Variants in HNF4G observed in about 807,000 individuals in gnomAD.
HNF4G encodes hepatocyte nuclear factor 4-gamma.
A neutral mutation model predicts 50.9 loss-of-function variants in HNF4G; 21 were observed. The observed-to-expected ratio is 0.41, with a 90% CI of 0.29 to 0.59. HNF4G has a LOEUF of 0.59. Ranked by LOEUF, HNF4G falls within the 20% of genes least tolerant of loss-of-function variation. The pLI, the probability that HNF4G is intolerant of heterozygous loss-of-function variation, is 0.26. For synonymous variants in HNF4G, 198 were observed against 185.6 expected (o/e 1.07, Z -0.54); for missense variants, 527 against 559.4 (o/e 0.94, Z 0.58).
chr8:75,424,011 A>G lies in HNF4G; in HGVS notation c.-144+15849A>G, dbSNP rs550246848. On this transcript the variant is annotated intron_variant, in intron 1 of 10. Coordinates refer to the HNF4G transcript ENST00000354370. ...GCTAATTTTTGTATTTTTAGTAGACACGGGTTTCACCACGTTGGCCAGGAT... is the reference window on the plus strand; with the variant it reads ...GCTAATTTTTGTATTTTTAGTAGACGCGGGTTTCACCACGTTGGCCAGGAT... Among the ~76,000 whole-genome samples the G allele has an allele frequency of 3.3e-5, 5 of 149,864 alleles. No homozygotes were observed. In the East Asian group the frequency reaches 8.1e-4, roughly 24 times the overall value.
At chr8:75,552,098 T>C (rs1806978244) in intron 4 of HNF4G, among the ~76,000 whole-genome samples, 1 of 152,212 alleles carries the variant, frequency 6.6e-6, no homozygotes, top group East Asian at 1.9e-4. Context: ...TACTTTAGCA[T>C]TGCCCTTATT....
intron 1 of HNF4G, among the ~76,000 whole-genome samples, chr8:75,456,647 C>G (rs1811731272): frequency 6.6e-6 from 1 of 151,782 alleles, no homozygotes; most frequent in African/African-American, 2.4e-5. Flanking sequence ...AAAATCTATT[C>G]CTAATCTTCA....
At chr8:75,484,560 A>T (rs1812453621) in intron 1 of HNF4G, among the ~76,000 whole-genome samples, 1 of 152,214 alleles carries the variant, frequency 6.6e-6, no homozygotes, top group South Asian at 2.1e-4. Context: ...CTGCAGGACC[A>T]CTTCAGCCAC....
At chr8:75,504,257 AC>A (rs1585902599) in intron 2 of HNF4G, among the ~76,000 whole-genome samples, 56 of 151,514 alleles carry the variant, frequency 3.7e-4, no homozygotes, top group African/African-American at 9.2e-4. Flanking sequence ...ACACACACAC[AC>A]ACACACACAC....
At chr8:75,513,306 G>A (rs1211234598) in intron 2 of HNF4G, among the ~76,000 whole-genome samples, 1 of 152,076 alleles carries the variant, frequency 6.6e-6, no homozygotes, top group Non-Finnish European at 1.5e-5. Flanking sequence ...CCAAAGTGCT[G>A]GGATTACAAG....
chr8:75,491,383 A>T (rs1360227331), intron 2 of HNF4G, among the ~76,000 whole-genome samples: 1 of 152,180 alleles, frequency 6.6e-6, no homozygotes, highest in African/African-American at 2.4e-5. Flanking sequence ...TATACACTAA[A>T]ATCATAGTAT....
rs1807311385 is a variant in HNF4G at position 75,561,524 on chromosome 8, G to A, written c.1246+1058G>A. ...CCACCGTATGCAGTTTGTTTTCCATGCCTGAACTGAATAGAAGATGCTCAA... is the reference window on the plus strand; with the variant it reads ...CCACCGTATGCAGTTTGTTTTCCATACCTGAACTGAATAGAAGATGCTCAA... On this transcript the variant is annotated intron_variant, in intron 9 of 9. Transcript: ENST00000396423. Among the ~76,000 whole-genome samples the A allele has an allele frequency of 2.6e-5, 4 of 152,300 alleles. No homozygotes were observed. In the South Asian group the frequency reaches 8.3e-4, roughly 32 times the overall value.
rs534472288 is a variant in HNF4G at position 75,561,486 on chromosome 8, G to A, written c.1246+1020G>A. Among the ~76,000 whole-genome samples, 6 of 152,292 alleles carry A rather than the reference G, an allele frequency of 3.9e-5. No individual in the cohort carries two copies. The East Asian group carries it at 1.2e-3, about 29-fold the overall frequency. On this transcript the variant is annotated intron_variant, in intron 9 of 9. Transcript: ENST00000396423. ...ATGTGAATTTACCACTAGGAAACAA[G>A]GAGGCAACACAGCCACCGTATGCAG...
chr8:75,470,207 C>G (rs565997816), intron 1 of HNF4G, among the ~76,000 whole-genome samples: 1 of 152,298 alleles, frequency 6.6e-6, no homozygotes, highest in East Asian at 1.9e-4. Context: ...TCACTGCATT[C>G]TGCACAACTA....
intron 3 of HNF4G, 27 bp downstream of exon 3, chr8:75,547,708 C>A (rs1395336067): frequency 3.0e-6 from 4 of 1,317,234 alleles, no homozygotes; most frequent in Non-Finnish European, 4.4e-6. Flanking sequence ...TGATAATTAA[C>A]ATTATTGATG....
At chr8:75,422,809 A>AT (rs1810804471) in intron 1 of HNF4G, among the ~76,000 whole-genome samples, 1 of 151,420 alleles carries the variant, frequency 6.6e-6, no homozygotes, top group South Asian at 2.1e-4. Context: ...AATTTTTTCT[A>AT]TTTTTCACTA....
At chr8:75,413,728 G>C (rs1449099421) in intron 1 of HNF4G, among the ~76,000 whole-genome samples, 1 of 151,906 alleles carries the variant, frequency 6.6e-6, no homozygotes, top group African/African-American at 2.4e-5. Flanking sequence ...ATGGTGGCGG[G>C]CGCCTGTAAG....
chr8:75,421,250 T>C (rs1810768417), intron 1 of HNF4G, among the ~76,000 whole-genome samples: 1 of 152,204 alleles, frequency 6.6e-6, no homozygotes, highest in East Asian at 1.9e-4. Context: ...CATCTCACTT[T>C]CTCGCAGTCA....
intron 1 of HNF4G, among the ~76,000 whole-genome samples, chr8:75,478,436 T>G (rs1293579367): frequency 6.6e-6 from 1 of 152,212 alleles, no homozygotes; most frequent in Non-Finnish European, 1.5e-5. Context: ...AAAATTCAGT[T>G]TTTTGTACAG....
intron 2 of HNF4G, among the ~76,000 whole-genome samples, chr8:75,517,212 G>A (rs994670044): frequency 2.6e-5 from 4 of 152,246 alleles, no homozygotes; most frequent in African/African-American, 9.6e-5. Flanking sequence ...GGAATTATGG[G>A]AGCTATATTT....
intron 1 of HNF4G, among the ~76,000 whole-genome samples, chr8:75,442,732 G>T (rs1454959167): frequency 6.6e-6 from 1 of 151,982 alleles, no homozygotes; most frequent in Non-Finnish European, 1.5e-5. Context: ...TTCAGGAGAT[G>T]GGGATCATTA....
intron 2 of HNF4G, among the ~76,000 whole-genome samples, chr8:75,545,265 G>GTGTGTGTT (rs1202744358): frequency 2.7e-5 from 4 of 150,270 alleles, no homozygotes; most frequent in African/African-American, 7.3e-5. Flanking sequence ...GTGTGTGTGT[G>GTGTGTGTT]TGTGTGTAAA....
intron 2 of HNF4G, among the ~76,000 whole-genome samples, chr8:75,518,464 A>G (rs550749590): frequency 6.6e-6 from 1 of 152,236 alleles, no homozygotes; most frequent in South Asian, 2.1e-4. Context: ...CATTTGACCC[A>G]GCCATCCCAT....
chr8:75,434,926 T>C (rs1195358490), intron 1 of HNF4G, among the ~76,000 whole-genome samples: 1 of 152,160 alleles, frequency 6.6e-6, no homozygotes, highest in Non-Finnish European at 1.5e-5. Context: ...TTGTCAAAAA[T>C]CTCTCCATAA....
Sources: allele counts gnomAD v4.1 joint callset (sites outside exome capture counted in the v4.1 genomes callset), GRCh38; gene constraint gnomAD v4.1.1; transcripts MANE v1.5; gene names NCBI Gene and HGNC (gene_info 2026-07-23, HGNC 2026-07-21).